Variants in GOLGA3 observed in about 807,000 individuals in gnomAD.
The protein encoded by GOLGA3 is golgin subfamily A member 3.
In GOLGA3, 75 loss-of-function variants were observed where a neutral mutation model predicts 169.4. The ratio of observed to expected loss-of-function variants is 0.44; its 90% CI spans 0.37 to 0.54. The LOEUF is 0.54. GOLGA3 is among the 20% of genes least tolerant of loss of function. The pLI is 0.00. For synonymous variants in GOLGA3, 824 were observed against 822.4 expected, an observed-to-expected ratio of 1.00 and a Z score of -0.03; for missense variants, 1,899 against 1,930.0, an observed-to-expected ratio of 0.98 and a Z score of 0.30.
At chr12:132,818,283 G>A (rs1195435444) in intron 2 of GOLGA3, among the ~76,000 whole-genome samples, 6 of 152,096 alleles carry the variant, frequency 3.9e-5, no homozygotes, top group East Asian at 1.9e-4. Context: ...TTTTTGAGAC[G>A]GAGTCTCATT....
chr12:132,818,621 G>A (rs113751598), intron 2 of GOLGA3, among the ~76,000 whole-genome samples: 87 of 152,306 alleles, frequency 5.7e-4, no homozygotes, highest in Middle Eastern at 3.4e-3. Flanking sequence ...TAAAACAAGC[G>A]AAAACCACAA....
chr12:132,784,801 TCACACTGCATGCACACATACACCC>T (rs1427303125), intron 15 of GOLGA3, among the ~76,000 whole-genome samples: 3 of 148,354 alleles, frequency 2.0e-5, no homozygotes, highest in South Asian at 2.1e-4. Context: ...TGCTCACACC[TCACACTGCATGCACACATACACCC>T]CACACTGCAT....
chr12:132,821,904 T>C, intron 2 of GOLGA3, 92 bp downstream of exon 2: 1 of 717,946 alleles, frequency 1.4e-6, no homozygotes, highest in Non-Finnish European at 2.3e-6. Flanking sequence ...AAGCTCACAG[T>C]GGTCTCAACG....
intron 7 of GOLGA3, among the ~76,000 whole-genome samples, chr12:132,802,594 C>T (rs958362803): frequency 1.3e-5 from 2 of 150,250 alleles, no homozygotes; most frequent in African/African-American, 4.9e-5. Flanking sequence ...TGCTGCACTC[C>T]AGCGTGGGCA....
chr12:132,779,495 TA>T (rs1397339735), intron 18 of GOLGA3, among the ~76,000 whole-genome samples: 1 of 152,236 alleles, frequency 6.6e-6, no homozygotes, highest in Admixed American at 6.5e-5. Flanking sequence ...GAAAAGTTCT[TA>T]AAGGTTGTGG....
In GOLGA3 at chr12:132,807,081, T is replaced by C. The variant is rs567888157; in HGVS notation, c.1290+96A>G. On this transcript the variant is annotated intron_variant, in intron 6 of 23. Coordinates refer to ENST00000450791, the MANE Select transcript of GOLGA3 (RefSeq NM_001389683.1). ...TGCCACACATGCTGCGGCGGCTGATTCCCAACCACATCTGTGAAACCTCGT... is the reference window on the plus strand; with the variant it reads ...TGCCACACATGCTGCGGCGGCTGATCCCCAACCACATCTGTGAAACCTCGT... The C allele has an allele frequency of 1.5e-4, 101 of 694,454 alleles. No homozygotes were observed. In the African/African-American group the frequency reaches 1.6e-3, roughly 11 times the overall value. 43.0% of individuals were successfully genotyped at this position (694,454 alleles called of 1,614,324 possible). A position where few individuals can be genotyped will look rare whatever the true frequency, so the allele number is the denominator to read the frequency against.
At chr12:132,779,235 A>C (rs1228309729) in intron 18 of GOLGA3, among the ~76,000 whole-genome samples, 1 of 152,018 alleles carries the variant, frequency 6.6e-6, no homozygotes, top group Non-Finnish European at 1.5e-5. Flanking sequence ...ATGTGCCACC[A>C]CGCCAGGCTA....
intron 4 of GOLGA3, 92 bp from the exon 5 acceptor site, chr12:132,808,641 C>T: frequency 1.0e-6 from 1 of 986,556 alleles, no homozygotes; most frequent in Non-Finnish European, 1.5e-6. Flanking sequence ...CCGATCACTA[C>T]TCCCTCCGCT....
At chr12:132,807,379 TG>T in intron 5 of GOLGA3, 91 bp from the exon 6 acceptor site, 1 of 641,014 alleles carries the variant, frequency 1.6e-6, no homozygotes, top group Non-Finnish European at 2.6e-6. Flanking sequence ...ACACCCCTGC[TG>T]CTCTCTCCCA....
At chr12:132,821,715 G>A (rs556902504) in intron 2 of GOLGA3, among the ~76,000 whole-genome samples, 37 of 150,992 alleles carry the variant, frequency 2.5e-4, no homozygotes, top group African/African-American at 7.7e-4. Flanking sequence ...TTAGCCGGGC[G>A]CGGTGGCGGG....
In GOLGA3 at chr12:132,777,643, G is replaced by A. The variant is rs369967349; in HGVS notation, c.3722+23C>T. The A allele has an allele frequency of 6.2e-7, 1 of 1,612,876 alleles. No homozygotes were observed. Among genetic ancestry groups the A allele is most frequent in the South Asian group, 1.1e-5 (1 of 90,984 alleles). Reference sequence around the variant, plus strand: ...ATTGCCAGGACAGCCATGTTTGAGGGCTGGCGGGGCCCAGGCACTCACTGA... The same window carrying A: ...ATTGCCAGGACAGCCATGTTTGAGGACTGGCGGGGCCCAGGCACTCACTGA... On this transcript the variant is annotated intron_variant, in intron 19 of 23. Transcript: ENST00000450791. The surrounding 1 kb of genome is among the most constrained non-coding windows in gnomAD (Gnocchi z 4.7).
At chr12:132,809,537 C>T (rs1464210827) in intron 4 of GOLGA3, among the ~76,000 whole-genome samples, 1 of 149,716 alleles carries the variant, frequency 6.7e-6, no homozygotes, top group Non-Finnish European at 1.5e-5. Flanking sequence ...CGGGCGTCTT[C>T]CCGTCTTCCC....
At chr12:132,828,362 C>G (rs552202540) in intron 1 of GOLGA3, 1 of 152,304 alleles carries the variant, frequency 6.6e-6, no homozygotes, top group Non-Finnish European at 1.5e-5. Context: ...CTCTGGCCAC[C>G]TGGAATGAAG....
chr12:132,822,973 A>C (rs1338372481), intron 1 of GOLGA3, among the ~76,000 whole-genome samples: 1 of 152,220 alleles, frequency 6.6e-6, no homozygotes, highest in Non-Finnish European at 1.5e-5. Context: ...CCTCTCAGCT[A>C]GTGAGTGACT....
At chr12:132,820,603 C>A (rs1950164774) in intron 2 of GOLGA3, among the ~76,000 whole-genome samples, 1 of 152,166 alleles carries the variant, frequency 6.6e-6, no homozygotes, top group Admixed American at 6.6e-5. Context: ...TAAATTAGCA[C>A]ATCTGTAGTC....
chr12:132,826,023 A>C (rs1361206568), intron 1 of GOLGA3: 1 of 1,198,460 alleles, frequency 8.3e-7, no homozygotes, highest in African/African-American at 1.5e-5. Flanking sequence ...CACCACAAGA[A>C]CATGTCTGTA....
intron 5 of GOLGA3, 133 bp downstream of exon 5, chr12:132,807,758 C>A: frequency 6.1e-6 from 3 of 494,332 alleles, no homozygotes; most frequent in Non-Finnish European, 7.1e-6. Context: ...CTGCCCGTCT[C>A]TGCCCACCCC....
chr12:132,801,729 A>C (rs1949136197), intron 8 of GOLGA3, 38 bp downstream of exon 8: 3 of 1,563,214 alleles, frequency 1.9e-6, no homozygotes, highest in Non-Finnish European at 1.8e-6. Flanking sequence ...TGAAGACAAG[A>C]AGCGTGACCT....
chr12:132,816,067 G>A (rs1426951769), intron 3 of GOLGA3, among the ~76,000 whole-genome samples: 1 of 152,196 alleles, frequency 6.6e-6, no homozygotes, highest in Non-Finnish European at 1.5e-5. Context: ...GCCTGGTGGC[G>A]GGTGCATGTA....
Sources: allele counts gnomAD v4.1 joint callset (sites outside exome capture counted in the v4.1 genomes callset), GRCh38; gene constraint gnomAD v4.1.1; non-coding constraint Gnocchi (gnomAD v3.1); transcripts MANE v1.5; gene names NCBI Gene and HGNC (gene_info 2026-07-23, HGNC 2026-07-21).